GPC6: variants seen among roughly 807,000 people sequenced by gnomAD.
The protein encoded by GPC6 is glypican 6, also known as glypican-6.
In GPC6, 14 loss-of-function variants were observed where a neutral mutation model predicts 55.2. The ratio of observed to expected loss-of-function variants is 0.25; its 90% confidence interval spans 0.17 to 0.40. The LOEUF is 0.40. Among genes scored for constraint, GPC6 ranks in the 10% least tolerant of loss-of-function variants. GPC6 has a pLI of 1.00. For missense variants in GPC6, 641 were observed against 708.5 expected (o/e 0.90, Z 1.08); for synonymous variants, 278 against 259.6 (o/e 1.07, Z -0.68).
At chr13:93,503,985 A>G (rs1175448835) in intron 1 of GPC6, among the ~76,000 whole-genome samples, 1 of 152,166 alleles carries the variant, frequency 6.6e-6, no homozygotes, top group Non-Finnish European at 1.5e-5. Context: ...TTCTTCCGAG[A>G]AAAAAAGTTT....
chr13:93,847,386 T>G (rs1331455173), intron 3 of GPC6, among the ~76,000 whole-genome samples: 3 of 152,090 alleles, frequency 2.0e-5, no homozygotes, highest in Admixed American at 2.0e-4. Context: ...GCCATAATAC[T>G]CATAAAGCTG....
At chr13:93,421,543 T>C (rs1354363427) in intron 1 of GPC6, among the ~76,000 whole-genome samples, 1 of 152,200 alleles carries the variant, frequency 6.6e-6, no homozygotes, top group Non-Finnish European at 1.5e-5. Context: ...TCGAGCTATA[T>C]ACATTGGGAA....
At chr13:94,073,531 AT>A (rs986428522) in intron 4 of GPC6, among the ~76,000 whole-genome samples, 2 of 152,142 alleles carry the variant, frequency 1.3e-5, no homozygotes, top group African/African-American at 4.8e-5. Context: ...ATAATTTGCC[AT>A]TTTAATGTCC....
intron 1 of GPC6, among the ~76,000 whole-genome samples, chr13:93,297,812 C>T (rs1429580553): frequency 6.6e-6 from 1 of 152,040 alleles, no homozygotes; most frequent in Non-Finnish European, 1.5e-5. Flanking sequence ...AGACTAAAGA[C>T]GTTGTGACTC....
At position 93,715,393 on chromosome 13, in the gene GPC6, G is replaced by T. The variant is rs552451401; in HGVS notation, c.320-114761G>T. Among the ~76,000 whole-genome samples, 24 of 151,734 alleles carry T rather than the reference G, an allele frequency of 1.6e-4. 1 individual carries two copies. In the South Asian group the frequency reaches 4.6e-3, roughly 29 times the overall value. ...CAAAAACCAATATTCTCACTTGTTAGTGGGAGCTAAATATTGGGTACTTGA... is the reference window on the plus strand; with the variant it reads ...CAAAAACCAATATTCTCACTTGTTATTGGGAGCTAAATATTGGGTACTTGA... On this transcript the variant is annotated intron_variant, in intron 2 of 8. Coordinates refer to ENST00000377047, the MANE Select transcript of GPC6 (RefSeq NM_005708.5).
At chr13:93,365,136 A>C (rs1249355486) in intron 1 of GPC6, among the ~76,000 whole-genome samples, 2 of 152,120 alleles carry the variant, frequency 1.3e-5, no homozygotes, top group African/African-American at 2.4e-5. Flanking sequence ...ATGGACCAGC[A>C]TGTTTGACTG....
chr13:93,802,339 C>T (rs1037727819), intron 2 of GPC6, among the ~76,000 whole-genome samples: 1 of 152,022 alleles, frequency 6.6e-6, no homozygotes, highest in Non-Finnish European at 1.5e-5. Flanking sequence ...ATCACTCAGA[C>T]ACTTCCCCTT....
chr13:93,996,172 T>G (rs920431997), intron 3 of GPC6, among the ~76,000 whole-genome samples: 1 of 152,232 alleles, frequency 6.6e-6, no homozygotes, highest in Non-Finnish European at 1.5e-5. Context: ...TAGTTTACCA[T>G]TAAAACTGTA....
intron 4 of GPC6, among the ~76,000 whole-genome samples, chr13:94,053,917 A>G (rs1485362304): frequency 6.6e-6 from 1 of 152,164 alleles, no homozygotes; most frequent in Non-Finnish European, 1.5e-5. Flanking sequence ...AAAAGATATT[A>G]GCTGAAATGG....
chr13:94,069,921 C>T lies in GPC6; in HGVS notation c.877+42027C>T, dbSNP rs576820986. On this transcript the variant is annotated intron_variant, in intron 4 of 8. Transcript: ENST00000377047. ...TTCTTCTCAGCCCTCCAAACTGTTC[C>T]AACCTCTTCCTGTTACCCAGTTCCA... is the stretch of plus-strand genomic sequence containing the variant. Among the ~76,000 whole-genome samples the T allele has an allele frequency of 5.9e-5, 9 of 152,258 alleles. No individual in the cohort carries two copies. The South Asian group carries it at 1.2e-3, about 21-fold the overall frequency.
intron 6 of GPC6, among the ~76,000 whole-genome samples, chr13:94,355,331 TCTC>T (rs1180114163): frequency 6.6e-6 from 1 of 152,240 alleles, no homozygotes; most frequent in African/African-American, 2.4e-5. Context: ...CCGTGGCTCT[TCTC>T]TTTCTTCGGC....
At chr13:93,840,860 C>T (rs1244795551) in intron 3 of GPC6, among the ~76,000 whole-genome samples, 1 of 152,150 alleles carries the variant, frequency 6.6e-6, no homozygotes, top group Non-Finnish European at 1.5e-5. Flanking sequence ...GGATAAAACA[C>T]TAGTGCTATA....
At chr13:93,622,953 C>G (rs1395170321) in intron 2 of GPC6, among the ~76,000 whole-genome samples, 1 of 152,194 alleles carries the variant, frequency 6.6e-6, no homozygotes, top group African/African-American at 2.4e-5. Context: ...CTATTCTACT[C>G]CATACTTCTA....
intron 1 of GPC6, among the ~76,000 whole-genome samples, chr13:93,363,968 T>C (rs1018305487): frequency 3.3e-5 from 5 of 152,210 alleles, no homozygotes; most frequent in Admixed American, 2.0e-4. Context: ...CTTCACCCAC[T>C]TTTTGATGGG....
At chr13:93,337,026 G>T (rs1324275721) in intron 1 of GPC6, among the ~76,000 whole-genome samples, 4 of 152,142 alleles carry the variant, frequency 2.6e-5, no homozygotes, top group Non-Finnish European at 5.9e-5. Flanking sequence ...ACACACATCA[G>T]TTGTTTGTGC....
intron 4 of GPC6, among the ~76,000 whole-genome samples, chr13:94,181,724 AGTT>A (rs1889005519): frequency 6.6e-6 from 1 of 152,218 alleles, no homozygotes; most frequent in Admixed American, 6.5e-5. Context: ...TAAATGTGTT[AGTT>A]ATTATACAAC....
chr13:93,967,808 C>T (rs547754027), intron 3 of GPC6, among the ~76,000 whole-genome samples: 11 of 152,106 alleles, frequency 7.2e-5, no homozygotes, highest in Admixed American at 2.0e-4. Context: ...TCTTTACCAA[C>T]GAGAATGCAT....
At chr13:93,556,539 G>T (rs1460284947) in intron 2 of GPC6, among the ~76,000 whole-genome samples, 1 of 150,978 alleles carries the variant, frequency 6.6e-6, no homozygotes, top group African/African-American at 2.4e-5. Context: ...TGAGTTACAG[G>T]CAGTCCAGTT....
rs77742168 is a variant in GPC6 at position 93,930,248 on chromosome 13, G to A, written c.712-97481G>A. On this transcript the variant is annotated intron_variant, in intron 3 of 8. Coordinates refer to ENST00000377047, the MANE Select transcript of GPC6 (RefSeq NM_005708.5). ...ACAGGACAGGAGTCTGGAGAGGAAGGTTTTTAAAGGTTATTGGAAACGAAA... is the reference window on the plus strand; with the variant it reads ...ACAGGACAGGAGTCTGGAGAGGAAGATTTTTAAAGGTTATTGGAAACGAAA... Among the ~76,000 whole-genome samples the A allele has an allele frequency of 9.2e-5, 13 of 141,116 alleles. No individual in the cohort carries two copies. In the East Asian group the frequency reaches 2.5e-3, roughly 27 times the overall value. The allele number at this position is 141,116 out of a possible 152,430, so 92.6% of individuals were successfully genotyped here.
Sources: allele counts gnomAD v4.1 joint callset (sites outside exome capture counted in the v4.1 genomes callset), GRCh38; gene constraint gnomAD v4.1.1; transcripts MANE v1.5; gene names NCBI Gene and HGNC (gene_info 2026-07-23, HGNC 2026-07-21).